The following STPG2 variants were observed in gnomAD, a reference collection of about 807,000 sequenced individuals.
STPG2 encodes sperm-tail PG-rich repeat-containing protein 2.
A neutral mutation model predicts 54.2 loss-of-function variants in STPG2; 56 were observed. That is an observed-to-expected ratio of 1.03 (90% CI 0.83 to 1.29). The LOEUF (loss-of-function observed/expected upper bound fraction) is 1.29. Ranked by LOEUF, STPG2 falls within the 50% of genes most tolerant of loss-of-function variation. The probability of loss-of-function intolerance (pLI) is 0.00; values close to 1 mark genes in which losing one functional copy is unlikely to be tolerated. For synonymous variants in STPG2, 200 were observed against 181.8 expected (o/e 1.10, Z -0.81); for missense variants, 596 against 544.9 (o/e 1.09, Z -0.93).
chr4:97,994,820 G>T (rs1735152614), intron 5 of STPG2, among the ~76,000 whole-genome samples: 1 of 152,120 alleles, frequency 6.6e-6, no homozygotes, highest in Non-Finnish European at 1.5e-5. Context: ...ATCAGCTGCA[G>T]TTGCATAGGG....
At chr4:97,742,495 T>C (rs1725278461) in intron 9 of STPG2, among the ~76,000 whole-genome samples, 1 of 150,558 alleles carries the variant, frequency 6.6e-6, no homozygotes, top group Non-Finnish European at 1.5e-5. Context: ...AACCTAATTG[T>C]CCATCAATGG....
intron 5 of STPG2, among the ~76,000 whole-genome samples, chr4:98,053,046 T>C (rs1737371791): frequency 6.6e-6 from 1 of 152,166 alleles, no homozygotes; most frequent in African/African-American, 2.4e-5. Context: ...TGATGAAACA[T>C]TAGAAAACAG....
At chr4:97,878,863 C>T (rs1284424846) in intron 8 of STPG2, among the ~76,000 whole-genome samples, 1 of 152,166 alleles carries the variant, frequency 6.6e-6, no homozygotes, top group Non-Finnish European at 1.5e-5. Context: ...CCTCAGGCTG[C>T]AAATTTTCTA....
chr4:98,025,561 T>A lies in STPG2; in HGVS notation c.613-44243A>T, dbSNP rs962418314. 1.0e-4 allele frequency: 74 copies of A among 725,640 alleles called. No individual in the cohort carries two copies. In the Middle Eastern group the frequency reaches 1.6e-3, roughly 15 times the overall value. 45.0% of individuals were successfully genotyped at this position (725,640 alleles called of 1,614,324 possible). Reference sequence around the variant, plus strand: ...TGATAGTTCGTGTAACAAACAGAGATATCATTTGTCAGATTGCTTATGCCC... The same window carrying A: ...TGATAGTTCGTGTAACAAACAGAGAAATCATTTGTCAGATTGCTTATGCCC... On this transcript the variant is annotated intron_variant, in intron 5 of 10. Transcript: ENST00000295268.
At chr4:97,532,949 C>A (rs1731446607) in intron 4 of STPG2, among the ~76,000 whole-genome samples, 1 of 152,134 alleles carries the variant, frequency 6.6e-6, no homozygotes, top group Admixed American at 6.5e-5. Flanking sequence ...GTGGTGCAAT[C>A]CCAGCTCACT....
chr4:97,770,212 A>AAAAAT (rs765322426), intron 9 of STPG2, among the ~76,000 whole-genome samples: 2 of 152,166 alleles, frequency 1.3e-5, no homozygotes, highest in Admixed American at 6.5e-5. Flanking sequence ...ATCTGTCTCA[A>AAAAAT]AAAATAAAAT....
chr4:98,018,680 T>C lies in STPG2; in HGVS notation c.613-37362A>G, dbSNP rs1175996641. On this transcript the variant is annotated intron_variant, in intron 5 of 10. Coordinates refer to ENST00000295268, the MANE Select transcript of STPG2 (RefSeq NM_174952.3). ...TTCTCCACATCCTCTCCAGCACCTA[T>C]TGTTTCCTGACTTTTGAATGACTGC... Among the ~76,000 whole-genome samples, 3 of 151,172 alleles carry C rather than the reference T, an allele frequency of 2.0e-5. 1 individual carries two copies. In the East Asian group the frequency reaches 5.8e-4, roughly 29 times the overall value.
At chr4:97,460,204 G>A (rs1010928591) in intron 4 of STPG2, among the ~76,000 whole-genome samples, 8 of 152,184 alleles carry the variant, frequency 5.3e-5, no homozygotes, top group African/African-American at 1.9e-4. Flanking sequence ...ATACTCAGTA[G>A]GGTTTTCCCC....
chr4:97,634,956 C>T (rs1046743192), intron 10 of STPG2, among the ~76,000 whole-genome samples: 1 of 152,152 alleles, frequency 6.6e-6, no homozygotes, highest in African/African-American at 2.4e-5. Context: ...TCTACCAAGG[C>T]AGGCCAATGT....
chr4:97,570,248 A>T (rs1041832135), intron 10 of STPG2, among the ~76,000 whole-genome samples: 2 of 152,186 alleles, frequency 1.3e-5, no homozygotes, highest in African/African-American at 2.4e-5. Context: ...ACCTAAAGCT[A>T]TTCTATCAGT....
chr4:97,724,125 T>C (rs1049741144), intron 9 of STPG2, among the ~76,000 whole-genome samples: 3 of 152,244 alleles, frequency 2.0e-5, no homozygotes, highest in Admixed American at 6.5e-5. Context: ...CTTGCTTTTG[T>C]GACAAAACCG....
chr4:97,940,307 G>C (rs1474573346), intron 8 of STPG2, among the ~76,000 whole-genome samples: 1 of 152,140 alleles, frequency 6.6e-6, no homozygotes, highest in Non-Finnish European at 1.5e-5. Context: ...GCATCTTGCA[G>C]AAGTTATCTG....
chr4:97,606,195 T>C (rs1733588015), intron 10 of STPG2, among the ~76,000 whole-genome samples: 1 of 151,874 alleles, frequency 6.6e-6, no homozygotes, highest in South Asian at 2.1e-4. Flanking sequence ...GGCTGCATCA[T>C]TGTATGTGTT....
chr4:97,826,396 T>A (rs1728259630), intron 9 of STPG2, among the ~76,000 whole-genome samples: 1 of 97,930 alleles, frequency 1.0e-5, no homozygotes, highest in Non-Finnish European at 2.1e-5. Context: ...TTATAAAAAA[T>A]TAATTGTAAA....
intron 8 of STPG2, among the ~76,000 whole-genome samples, chr4:97,918,706 A>C (rs931645751): frequency 2.0e-5 from 3 of 152,118 alleles, no homozygotes; most frequent in Admixed American, 1.3e-4. Flanking sequence ...AAAATAAAGT[A>C]ACTCAGGAAT....
intron 5 of STPG2, among the ~76,000 whole-genome samples, chr4:97,998,822 A>G (rs1002447222): frequency 2.0e-5 from 3 of 152,102 alleles, no homozygotes; most frequent in African/African-American, 7.2e-5. Flanking sequence ...AAACCCTGGC[A>G]AGACTCCATT....
chr4:97,473,105 G>A (rs142390139), intron 4 of STPG2, among the ~76,000 whole-genome samples: 1 of 151,756 alleles, frequency 6.6e-6, no homozygotes, highest in Non-Finnish European at 1.5e-5. Flanking sequence ...GTCACCTCAG[G>A]ACCCTGTGAT....
At chr4:97,545,533 A>G (rs113324894) in intron 4 of STPG2, among the ~76,000 whole-genome samples, 1 of 152,216 alleles carries the variant, frequency 6.6e-6, no homozygotes, top group African/African-American at 2.4e-5. Context: ...AAAATAAGTT[A>G]AGTGGTAGAA....
At position 97,880,839 on chromosome 4, in the gene STPG2, C is replaced by T. The variant is rs112696746; in HGVS notation, c.1045-39907G>A. On this transcript the variant is annotated intron_variant, in intron 8 of 10. Coordinates refer to ENST00000295268, the MANE Select transcript of STPG2 (RefSeq NM_174952.3). Reference sequence around the variant, plus strand: ...CTTAGGAGTAACTGAGCTATACATCCACCAAGACTTCCAATACCAGTTCAG... The same window carrying T: ...CTTAGGAGTAACTGAGCTATACATCTACCAAGACTTCCAATACCAGTTCAG... Among the ~76,000 whole-genome samples the T allele has an allele frequency of 4.3e-3, 655 of 152,024 alleles. 2 individuals carry two copies. Among genetic ancestry groups the T allele is most frequent in the Middle Eastern group, 0.02 (6 of 294 alleles).
Sources: gnomAD v4.1 joint callset for allele counts (sites outside exome capture counted in the v4.1 genomes callset) on GRCh38, gnomAD v4.1.1 for gene constraint, MANE v1.5 for transcripts, NCBI Gene and HGNC (gene_info 2026-07-23, HGNC 2026-07-21) for gene names.